PDE4D: variants seen among roughly 807,000 people sequenced by gnomAD.
The protein encoded by PDE4D is phosphodiesterase 4D.
Under a neutral mutation model 87.4 loss-of-function variants are expected in PDE4D, and 24 were observed. That is an observed-to-expected ratio of 0.27 (90% CI 0.20 to 0.39). PDE4D has a LOEUF of 0.39. Ranked by LOEUF, PDE4D falls within the 10% of genes least tolerant of loss-of-function variation. The pLI is 1.00. For synonymous variants in PDE4D, 384 were observed against 383.2 expected, an observed-to-expected ratio of 1.00 and a Z score of -0.02; for missense variants, 714 against 1,041.0, an observed-to-expected ratio of 0.69 and a Z score of 4.32.
At chr5:59,718,296 G>C (rs975830622) in intron 1 of PDE4D, among the ~76,000 whole-genome samples, 2 of 152,138 alleles carry the variant, frequency 1.3e-5, no homozygotes, top group African/African-American at 4.8e-5. Flanking sequence ...ATACTGATAT[G>C]TTTACACCTT....
intron 1 of PDE4D, among the ~76,000 whole-genome samples, chr5:59,242,066 T>C (rs996081533): frequency 6.6e-6 from 1 of 152,156 alleles, no homozygotes; most frequent in African/African-American, 2.4e-5. Flanking sequence ...ATTGAATGAA[T>C]TTTCTATATA....
At chr5:59,218,132 T>A (rs1751682209) in intron 1 of PDE4D, 2 of 284,314 alleles carry the variant, frequency 7.0e-6, no homozygotes, top group African/African-American at 4.5e-5. Flanking sequence ...AAGAAGATAG[T>A]CATGGCAGCT....
intron 1 of PDE4D, among the ~76,000 whole-genome samples, chr5:59,308,665 T>C (rs1449237913): frequency 6.6e-6 from 1 of 151,438 alleles, no homozygotes; most frequent in Non-Finnish European, 1.5e-5. Flanking sequence ...GGGGTAGGGG[T>C]TGGGGGGCGC....
chr5:59,879,986 G>C (rs578238921), intron 1 of PDE4D, among the ~76,000 whole-genome samples: 2 of 152,250 alleles, frequency 1.3e-5, no homozygotes, highest in East Asian at 3.9e-4. Flanking sequence ...TGATCCACCA[G>C]CTTTGGCCTC....
chr5:59,285,226 A>G (rs79129668), intron 1 of PDE4D, among the ~76,000 whole-genome samples: 1 of 151,320 alleles, frequency 6.6e-6, no homozygotes, highest in African/African-American at 2.4e-5. Context: ...AAAAAAAAAA[A>G]AGAAAACAGG....
intron 2 of PDE4D, among the ~76,000 whole-genome samples, chr5:60,110,019 A>T (rs555226093): frequency 5.6e-4 from 84 of 149,394 alleles, no homozygotes; most frequent in Admixed American, 7.3e-4. Context: ...AATAATAATT[A>T]AAAAAAAATT....
At chr5:60,246,240 C>A (rs1009202895) in intron 1 of PDE4D, among the ~76,000 whole-genome samples, 19 of 151,662 alleles carry the variant, frequency 1.3e-4, no homozygotes, top group Admixed American at 6.6e-4. Context: ...TAAATATTTT[C>A]TAATTTTCAT....
intron 2 of PDE4D, among the ~76,000 whole-genome samples, chr5:60,001,967 G>A (rs1249602546): frequency 6.9e-6 from 1 of 144,228 alleles, no homozygotes; most frequent in African/African-American, 2.6e-5. Context: ...CAAATCACAA[G>A]ACAGCAACAA....
At chr5:59,636,536 C>G (rs181791067) in intron 1 of PDE4D, among the ~76,000 whole-genome samples, 235 of 152,264 alleles carry the variant, frequency 1.5e-3, no homozygotes, top group Non-Finnish European at 2.8e-3. Context: ...CAACAGCATG[C>G]TACTGGTACC....
intron 1 of PDE4D, among the ~76,000 whole-genome samples, chr5:59,501,922 G>C (rs1582886222): frequency 6.6e-6 from 1 of 152,116 alleles, no homozygotes; most frequent in Admixed American, 6.5e-5. Context: ...GAAGATGCAT[G>C]AGAATGTTTA....
chr5:59,109,342 AT>A (rs1426862169), intron 5 of PDE4D, among the ~76,000 whole-genome samples: 1 of 152,222 alleles, frequency 6.6e-6, no homozygotes, highest in Non-Finnish European at 1.5e-5. Context: ...ACAAAGTATG[AT>A]TTGATTACAT....
intron 1 of PDE4D, among the ~76,000 whole-genome samples, chr5:59,690,829 G>C (rs1461655985): frequency 1.3e-5 from 2 of 152,174 alleles, no homozygotes; most frequent in Non-Finnish European, 2.9e-5. Context: ...ATCTGAGAAA[G>C]AGCTAATACA....
intron 2 of PDE4D, among the ~76,000 whole-genome samples, chr5:60,039,842 T>C (rs2152866717): frequency 6.6e-6 from 1 of 152,342 alleles, no homozygotes; most frequent in African/African-American, 2.4e-5. Context: ...CTAAGGTTCC[T>C]TTCTTTCTCT....
At chr5:59,023,036 G>C (rs946258249) in intron 6 of PDE4D, among the ~76,000 whole-genome samples, 3 of 151,778 alleles carry the variant, frequency 2.0e-5, no homozygotes, top group Non-Finnish European at 2.9e-5. Flanking sequence ...TTAGCCAGGC[G>C]TGGTGGCAGG....
At chr5:60,363,794 G>A (rs1760287444) in intron 1 of PDE4D, among the ~76,000 whole-genome samples, 2 of 152,196 alleles carry the variant, frequency 1.3e-5, no homozygotes, top group African/African-American at 4.8e-5. Flanking sequence ...AGAGCTTGAA[G>A]TGAGAAAGAG....
chr5:60,311,018 CT>C (rs67263352), intron 1 of PDE4D, among the ~76,000 whole-genome samples: 22,764 of 139,444 alleles, frequency 0.16, 1,505 homozygotes, highest in South Asian at 0.3. Flanking sequence ...TAAAATAAGT[CT>C]TTTTTTTTTT....
chr5:60,004,547 T>C (rs1372179613), intron 2 of PDE4D, among the ~76,000 whole-genome samples: 2 of 152,170 alleles, frequency 1.3e-5, no homozygotes, highest in Non-Finnish European at 2.9e-5. Context: ...AATCCCTTGA[T>C]GCATAACCCA....
At chr5:59,985,146 T>TTTTG (rs1423580701) in intron 3 of PDE4D, among the ~76,000 whole-genome samples, 2 of 123,112 alleles carry the variant, frequency 1.6e-5, no homozygotes, top group Non-Finnish European at 3.6e-5. Flanking sequence ...TTGTTTTTTG[T>TTTTG]TTTTTATTTT....
chr5:60,141,701 T>G (rs1780552015), intron 2 of PDE4D, among the ~76,000 whole-genome samples: 3 of 152,170 alleles, frequency 2.0e-5, no homozygotes, highest in South Asian at 4.1e-4. Context: ...CCTGTGGACC[T>G]AGGACATTGA....
Sources: gnomAD v4.1 joint callset for allele counts (sites outside exome capture counted in the v4.1 genomes callset) on GRCh38, gnomAD v4.1.1 for gene constraint, MANE v1.5 for transcripts, NCBI Gene and HGNC (gene_info 2026-07-23, HGNC 2026-07-21) for gene names.